The following ENGASE variants were observed in gnomAD, a reference collection of about 807,000 sequenced individuals.
ENGASE encodes the protein cytosolic endo-beta-N-acetylglucosaminidase.
In ENGASE, 69 loss-of-function variants were observed where a neutral mutation model predicts 78.5. The ratio of observed to expected loss-of-function variants is 0.88; its 90% CI spans 0.72 to 1.07. The LOEUF (loss-of-function observed/expected upper bound fraction) is 1.07. ENGASE is among the 50% of genes least tolerant of loss of function. The pLI, the probability that ENGASE is intolerant of heterozygous loss-of-function variation, is 0.00. For missense variants in ENGASE, 943 were observed against 988.4 expected (o/e 0.95, Z 0.62); for synonymous variants, 408 against 408.9 (o/e 1.00, Z 0.03).
In ENGASE at chr17:79,084,612, A is replaced by C. The variant is rs1255827292; in HGVS notation, c.1517A>C (p.Asp506Ala). 1 of 1,612,220 alleles carries C rather than the reference A, an allele frequency of 6.2e-7. No individual in the cohort carries two copies. The highest frequency in any genetic ancestry group is 1.7e-5 in the Admixed American group (1 of 59,524). The change falls in exon 11 of 14, where the codon GAC becomes GCC. Residue 506 changes from aspartate (D) to alanine (A), a missense_variant. Transcript: ENST00000579016. ...SMVYKLEGPT[D>A]VTVALELTTG... ...GTGTATAAGCTTGAGGGGCCCACGGACGTCACAGTTGCTTTGGAGCTGACC... is the reference window on the plus strand; with the variant it reads ...GTGTATAAGCTTGAGGGGCCCACGGCCGTCACAGTTGCTTTGGAGCTGACC...
At position 79,082,436 on chromosome 17, in the gene ENGASE, C is replaced by T. The variant is rs530859127; in HGVS notation, c.1038+373C>T. On this transcript the variant is annotated intron_variant, in intron 7 of 13. Coordinates refer to ENST00000579016, the MANE Select transcript of ENGASE (RefSeq NM_001042573.3). ...CAGGGGCCTGCAGCGCCTCTCACTG[C>T]GGCTCAGGGGCGAGGACGGGGGAGG... 113 of 1,218,274 alleles carry T rather than the reference C, an allele frequency of 9.3e-5. 1 individual carries two copies. The highest frequency in any genetic ancestry group is 3.7e-4 in the East Asian group (7 of 18,784). The allele number at this position is 1,218,274 out of a possible 1,614,324, so 75.5% of individuals were successfully genotyped here.
intron 3 of ENGASE, among the ~76,000 whole-genome samples, chr17:79,079,116 C>G (rs1028919801): frequency 6.6e-6 from 1 of 152,134 alleles, no homozygotes; most frequent in Non-Finnish European, 1.5e-5. Flanking sequence ...TTGGGGACAC[C>G]CTGCGGTCTC....
In ENGASE at chr17:79,081,013, A is replaced by T; in HGVS notation, c.812A>T (p.Tyr271Phe). The change falls in exon 6 of 14, where the codon TAT (tyrosine) becomes TTT (phenylalanine). Residue 271 changes from tyrosine (Y) to phenylalanine (F), a missense_variant. Transcript: ENST00000579016. The part of the protein sequence containing the change: ...RQVPGGLVLW[Y>F]DSVVQSGQLK... ...GTCCCAGGGGGCCTGGTGCTCTGGT[A>T]TGACAGCGTGGTGCAAAGTGGGCAG... 1 of 1,607,004 alleles carries T rather than the reference A, an allele frequency of 6.2e-7. No homozygotes were observed. Among genetic ancestry groups the T allele is most frequent in the Non-Finnish European group, 8.5e-7 (1 of 1,176,272 alleles).
At chr17:79,076,800 T>G (rs1472240270) in intron 1 of ENGASE, among the ~76,000 whole-genome samples, 7 of 152,192 alleles carry the variant, frequency 4.6e-5, no homozygotes, top group African/African-American at 2.4e-5. Flanking sequence ...TAGAAAATCC[T>G]GGGGACCCTG....
intron 1 of ENGASE, 117 bp downstream of exon 1, chr17:79,075,207 G>T: frequency 8.9e-7 from 1 of 1,128,626 alleles, no homozygotes; most frequent in Non-Finnish European, 1.1e-6. Context: ...GCCTGTGTCC[G>T]CTCCGTGCAC....
chr17:79,075,672 C>A (rs549576061), intron 1 of ENGASE: 1 of 985,260 alleles, frequency 1.0e-6, no homozygotes, highest in Non-Finnish European at 1.2e-6. Context: ...CCGGTAAACT[C>A]CCCCTCAGTA....
At chr17:79,082,934 G>A in intron 7 of ENGASE, 86 bp from the exon 8 acceptor site, 1 of 1,582,508 alleles carries the variant, frequency 6.3e-7, no homozygotes, top group South Asian at 1.1e-5. Flanking sequence ...GAGCTGCCCT[G>A]AGAGCCCCAA....
chr17:79,083,393 G>A lies in ENGASE; in HGVS notation c.1143-89G>A. ...GTCCTGTCTTGGAGGGTGCAGGAGA[G>A]CCTCGAGTTTCCACCAGCAAGTTTG... is the stretch of plus-strand genomic sequence containing the variant. On this transcript the variant is annotated intron_variant, in intron 8 of 13. Coordinates refer to ENST00000579016, the MANE Select transcript of ENGASE (RefSeq NM_001042573.3). This position sits in a 1 kb window ranked among gnomAD's most constrained non-coding sequence, Gnocchi z 4.9. 1 of 984,046 alleles carries A rather than the reference G, an allele frequency of 1.0e-6. No homozygotes were observed. 61.0% of individuals were successfully genotyped at this position (984,046 alleles called of 1,614,324 possible). A position where few individuals can be genotyped will look rare whatever the true frequency, so the allele number is the denominator to read the frequency against.
chr17:79,085,425 C>T (rs1599350010), intron 12 of ENGASE, 83 bp downstream of exon 12: 1 of 1,356,918 alleles, frequency 7.4e-7, no homozygotes, highest in Non-Finnish European at 1.0e-6. Flanking sequence ...ATGGAGGGGC[C>T]CTGGGCTGGC....
rs374953170 is a variant in ENGASE at position 79,086,977 on chromosome 17, C to T, written c.*628C>T. On this transcript the variant is annotated 3_prime_UTR_variant, in exon 14 of 14. Coordinates refer to ENST00000579016, the MANE Select transcript of ENGASE (RefSeq NM_001042573.3). ...CCACGTGGGCCAGCCCCAGCTGCTC[C>T]GTGTTTCCTGGCGTTGGCAATTTAC... 321 of 503,618 alleles carry T rather than the reference C, an allele frequency of 6.4e-4. No homozygotes were observed. Among genetic ancestry groups the T allele is most frequent in the Non-Finnish European group, 9.3e-4 (236 of 252,914 alleles). The allele number at this position is 503,618 out of a possible 1,614,324, so 31.2% of individuals were successfully genotyped here.
At position 79,084,469 on chromosome 17, in the gene ENGASE, C is replaced by A. The variant is rs1238530226; in HGVS notation, c.1443-69C>A. ...TCCTGGAGGGAGGGGCTGGTGGACG[C>A]GATTTGGAGCTGGCTTCGATTTCTC... On this transcript the variant is annotated intron_variant, in intron 10 of 13. Coordinates refer to ENST00000579016, the MANE Select transcript of ENGASE (RefSeq NM_001042573.3). 3 of 1,444,886 alleles carry A rather than the reference C, an allele frequency of 2.1e-6. No homozygotes were observed. The African/African-American group carries it at 4.4e-5, about 21-fold the overall frequency. 89.5% of individuals were successfully genotyped at this position (1,444,886 alleles called of 1,614,324 possible).
At position 79,074,940 on chromosome 17, in the gene ENGASE, G is replaced by T. The variant is rs1222855815; in HGVS notation, c.-5G>T. ...GATTGCCTCTCGGCGTGCGCGGACA[G>T]TGTCATGGAGGCCGCGGCGGTGACG... On this transcript the variant is annotated 5_prime_UTR_variant, in exon 1 of 14. Transcript: ENST00000579016. 2 of 1,261,794 alleles carry T rather than the reference G, an allele frequency of 1.6e-6. No homozygotes were observed. The highest frequency in any genetic ancestry group is 2.0e-6 in the Non-Finnish European group (2 of 1,003,300). 78.2% of individuals were successfully genotyped at this position (1,261,794 alleles called of 1,614,324 possible).
rs925359913 is a variant in ENGASE, at chr17:79,087,714, A to G, written c.*1365A>G. 2 of 152,094 alleles carry G rather than the reference A, an allele frequency of 1.3e-5. No individual in the cohort carries two copies. The highest frequency in any genetic ancestry group is 1.9e-4 in the East Asian group (1 of 5,152). The allele number at this position is 152,094 out of a possible 1,614,324, so 9.4% of individuals were successfully genotyped here. A position where few individuals can be genotyped will look rare whatever the true frequency, so the allele number is the denominator to read the frequency against. On this transcript the variant is annotated 3_prime_UTR_variant, in exon 14 of 14. Transcript: ENST00000579016. The stretch of plus-strand genomic sequence containing the variant: ...CTCTGTGACCCCAGCTGGAGCCCAC[A>G]CCTAAGGGCTGGCATCCACATCATT...
chr17:79,075,669 A>T, intron 1 of ENGASE: 1 of 984,584 alleles, frequency 1.0e-6, no homozygotes, highest in Non-Finnish European at 1.2e-6. Flanking sequence ...CACCCGGTAA[A>T]CTCCCCCTCA....
At position 79,086,341 on chromosome 17, in the gene ENGASE, C is replaced by G. The variant is rs201573075; in HGVS notation, c.2224C>G (p.Pro742Ala). The change falls in exon 14 of 14, where the codon CCT becomes GCT. Residue 742 changes from proline to alanine, a missense_variant. Coordinates refer to ENST00000579016, the MANE Select transcript of ENGASE (RefSeq NM_001042573.3). ...CAGGGCAGTTCTGCTTTATTCAGCC[C>G]CTGCATGAGCGGATGCTAAGGCCGG... ...WGRAVLLYSA[P>A]A 120 of 1,609,538 alleles carry G rather than the reference C, an allele frequency of 7.5e-5. No homozygotes were observed. Among genetic ancestry groups the G allele is most frequent in the Non-Finnish European group, 9.9e-5 (117 of 1,177,424 alleles).
At position 79,086,188 on chromosome 17, in the gene ENGASE, T is replaced by C; in HGVS notation, c.2071T>C (p.Phe691Leu). ...GATGCCCATGTTCCTGGGGTTGGCT[T>C]TTGCCACCCAGTACCGGATAGTGGA... is the stretch of plus-strand genomic sequence containing the variant. Reference protein sequence around the residue: ...PEMPMFLGLAFATQYRIVDLL... With the variant: ...PEMPMFLGLALATQYRIVDLL... Residue 691 changes from phenylalanine (F) to leucine (L), a missense_variant, in exon 14 of 14, where the codon TTT becomes CTT. Phe to Leu is a conservative substitution (Grantham distance 22). Transcript: ENST00000579016. 6.2e-7 allele frequency: 1 copy of C among 1,613,678 alleles called. No individual in the cohort carries two copies. The highest frequency in any genetic ancestry group is 8.5e-7 in the Non-Finnish European group (1 of 1,180,028).
chr17:79,086,151 G>A lies in ENGASE; in HGVS notation c.2034G>A (p.Leu678=). 1 of 1,613,780 alleles carries A rather than the reference G, an allele frequency of 6.2e-7. No individual in the cohort carries two copies. The highest frequency in any genetic ancestry group is 1.6e-4 in the Middle Eastern group (1 of 6,062). Residue 678 remains leucine (L), a synonymous_variant, in exon 14 of 14, where the codon CTG becomes CTA. Coordinates refer to ENST00000579016, the MANE Select transcript of ENGASE (RefSeq NM_001042573.3). ...GTGATGACTCTCCGGGCAGGGAGCT[G>A]CCGAGGCCAGAGATGCCCATGTTCC... ...GMSDDSPGRE[L]PRPEMPMFLG... is the part of the protein sequence containing the mutation.
rs59453718 is a variant in ENGASE at position 79,082,883 on chromosome 17, T to G, written c.1039-137T>G. The G allele has an allele frequency of 0.014, 21,550 of 1,572,874 alleles. 2,185 individuals are homozygous for G. In the African/African-American group the frequency reaches 0.24, roughly 17 times the overall value. The stretch of plus-strand genomic sequence containing the variant: ...TGATGCCCAGCAGCCTCCAGGTGCA[T>G]CTAGGAGGGAGGGGTTGGACAGCTT... On this transcript the variant is annotated intron_variant, in intron 7 of 13. Transcript: ENST00000579016.
At chr17:79,078,219 A>T in intron 3 of ENGASE, among the ~76,000 whole-genome samples, 1 of 152,170 alleles carries the variant, frequency 6.6e-6, no homozygotes, top group East Asian at 1.9e-4. Context: ...AGGTGCCTGT[A>T]ATCCCAGCTA....
Sources: gnomAD v4.1 joint callset for allele counts (sites outside exome capture counted in the v4.1 genomes callset) on GRCh38, gnomAD v4.1.1 for gene constraint, Gnocchi (gnomAD v3.1) non-coding constraint, MANE v1.5 for transcripts, NCBI Gene and HGNC (gene_info 2026-07-23, HGNC 2026-07-21) for gene names.